Variants in ANO3 observed in about 807,000 individuals in gnomAD.
The protein encoded by ANO3 is anoctamin 3, also known as anoctamin-3.
Under a neutral mutation model 144.8 loss-of-function variants are expected in ANO3, and 99 were observed. The ratio of observed to expected loss-of-function variants is 0.68; its 90% CI spans 0.58 to 0.81. ANO3 has a LOEUF of 0.81. Among genes scored for constraint, ANO3 ranks in the 30% least tolerant of loss-of-function variants. The pLI is 0.00. For missense variants in ANO3, 905 were observed against 1,202.2 expected, an observed-to-expected ratio of 0.75 and a Z score of 3.66; for synonymous variants, 414 against 392.6, an observed-to-expected ratio of 1.05 and a Z score of -0.64.
intron 1 of ANO3, among the ~76,000 whole-genome samples, chr11:26,244,956 A>G (rs1282759188): frequency 6.8e-6 from 1 of 147,626 alleles, no homozygotes; most frequent in Admixed American, 6.8e-5. Context: ...TTAATATAGA[A>G]GAGTCTTCTG....
chr11:26,427,319 C>G (rs1431825835), intron 1 of ANO3: 1 of 153,040 alleles, frequency 6.5e-6, no homozygotes, highest in East Asian at 1.9e-4. Flanking sequence ...GCAGTGTTAA[C>G]AAGAATGACT....
chr11:26,271,786 A>C (rs1357306946), intron 1 of ANO3, among the ~76,000 whole-genome samples: 1 of 151,998 alleles, frequency 6.6e-6, no homozygotes, highest in Admixed American at 6.6e-5. Flanking sequence ...TCCGCCTAGC[A>C]CAGTAATTTG....
intron 1 of ANO3, among the ~76,000 whole-genome samples, chr11:26,406,383 A>G (rs867191161): frequency 6.6e-6 from 1 of 151,964 alleles, no homozygotes. Context: ...AAGTTTCAAC[A>G]TGAATTTTGG....
chr11:26,595,457 G>GTTTTTTTTTTTTTTTTT (rs1411703035), intron 14 of ANO3, among the ~76,000 whole-genome samples: 3 of 67,844 alleles, frequency 4.4e-5, no homozygotes, highest in African/African-American at 1.3e-4. Context: ...TTGAGATAGA[G>GTTTTTTTTTTTTTTTTT]TTGTTTTTTT....
intron 1 of ANO3, among the ~76,000 whole-genome samples, chr11:26,267,302 A>C (rs74817597): frequency 6.6e-6 from 1 of 152,090 alleles, no homozygotes; most frequent in Non-Finnish European, 1.5e-5. Context: ...GTATGTATGC[A>C]GAGTGTTTGT....
intron 17 of ANO3, among the ~76,000 whole-genome samples, chr11:26,615,458 G>C (rs543313597): frequency 1.4e-5 from 2 of 148,042 alleles, no homozygotes; most frequent in East Asian, 2.0e-4. Flanking sequence ...ACAAAAACAC[G>C]GGACTTTGGA....
At chr11:26,254,434 T>G (rs1853008937) in intron 1 of ANO3, among the ~76,000 whole-genome samples, 2 of 152,236 alleles carry the variant, frequency 1.3e-5, no homozygotes, top group East Asian at 3.9e-4. Flanking sequence ...ACAAATAAAA[T>G]TACAATCCCT....
chr11:26,240,680 T>G (rs1363505963), intron 1 of ANO3, among the ~76,000 whole-genome samples: 2 of 152,206 alleles, frequency 1.3e-5, no homozygotes, highest in African/African-American at 4.8e-5. Context: ...AAATTTTGAC[T>G]ACCTGGATAA....
At chr11:26,487,208 G>C (rs934963940) in intron 4 of ANO3, among the ~76,000 whole-genome samples, 2 of 152,166 alleles carry the variant, frequency 1.3e-5, no homozygotes, top group Non-Finnish European at 2.9e-5. Flanking sequence ...TTGAATCATG[G>C]GGGCCAGTCT....
chr11:26,646,997 A>G (rs1490818917), intron 23 of ANO3, among the ~76,000 whole-genome samples: 1 of 152,176 alleles, frequency 6.6e-6, no homozygotes, highest in Non-Finnish European at 1.5e-5. Context: ...GTGGGAGGAA[A>G]GAAAGTTGGC....
At chr11:26,461,776 G>T (rs1350992644) in intron 3 of ANO3, among the ~76,000 whole-genome samples, 1 of 151,992 alleles carries the variant, frequency 6.6e-6, no homozygotes, top group African/African-American at 2.4e-5. Context: ...CATGTTCCAT[G>T]TTCCTTTTTT....
intron 17 of ANO3, among the ~76,000 whole-genome samples, chr11:26,619,400 G>A (rs932355799): frequency 7.9e-5 from 12 of 152,096 alleles, no homozygotes; most frequent in African/African-American, 2.9e-4. Context: ...ATTTAAAATA[G>A]TATTTCCTAT....
chr11:26,399,259 C>T (rs1857091203), intron 1 of ANO3, among the ~76,000 whole-genome samples: 2 of 151,762 alleles, frequency 1.3e-5, no homozygotes, highest in Non-Finnish European at 2.9e-5. Context: ...CTGTAGGTCA[C>T]CTCTCTTAGG....
chr11:26,653,775 T>TA (rs200299141), intron 24 of ANO3, among the ~76,000 whole-genome samples: 4,643 of 152,100 alleles, frequency 0.031, 100 homozygotes, highest in Non-Finnish European at 0.049. Flanking sequence ...GTTATCTTCC[T>TA]AAAAAAGTCT....
chr11:26,366,066 A>G (rs1326960307), intron 1 of ANO3, among the ~76,000 whole-genome samples: 2 of 150,090 alleles, frequency 1.3e-5, no homozygotes, highest in African/African-American at 4.9e-5. Flanking sequence ...ACATATGTAT[A>G]CATGTGCCTT....
intron 1 of ANO3, among the ~76,000 whole-genome samples, chr11:26,426,492 A>G (rs1857924160): frequency 1.4e-5 from 2 of 141,148 alleles, no homozygotes; most frequent in South Asian, 4.2e-4. Context: ...TCAAGATTTG[A>G]AAAAAAAAGC....
intron 1 of ANO3, among the ~76,000 whole-genome samples, chr11:26,208,586 T>C (rs1851867185): frequency 1.3e-5 from 2 of 152,092 alleles, no homozygotes; most frequent in Admixed American, 1.3e-4. Context: ...TTTTGCACTT[T>C]ACTTGCTGAA....
At chr11:26,655,697 G>C (rs1853664075) in intron 24 of ANO3, among the ~76,000 whole-genome samples, 1 of 151,992 alleles carries the variant, frequency 6.6e-6, no homozygotes, top group Non-Finnish European at 1.5e-5. Flanking sequence ...AATTTTTCCA[G>C]CAAATCATAG....
chr11:26,204,752 T>G (rs2133915561), intron 1 of ANO3, among the ~76,000 whole-genome samples: 1 of 152,234 alleles, frequency 6.6e-6, no homozygotes, highest in African/African-American at 2.4e-5. Context: ...ATTCTTCCCT[T>G]TTATCTCCCA....
Sources: gnomAD v4.1 joint callset for allele counts (sites outside exome capture counted in the v4.1 genomes callset) on GRCh38, gnomAD v4.1.1 for gene constraint, MANE v1.5 for transcripts, NCBI Gene and HGNC (gene_info 2026-07-23, HGNC 2026-07-21) for gene names.